Variants in RLF observed in about 807,000 individuals in gnomAD.
The protein encoded by RLF is zinc finger protein Rlf.
RLF carries 7 observed loss-of-function variants against 162.9 expected under a neutral mutation model. The observed-to-expected ratio is 0.04, with a 90% confidence interval of 0.02 to 0.08. The LOEUF (loss-of-function observed/expected upper bound fraction) is 0.08, where lower values mean the gene tolerates loss of function less well. RLF is among the 10% of genes least tolerant of loss of function. The pLI, the probability that RLF is intolerant of heterozygous loss-of-function variation, is 1.00. For synonymous variants in RLF, 782 were observed against 791.5 expected (o/e 0.99, Z 0.20); for missense variants, 1,664 against 2,244.7 (o/e 0.74, Z 5.23).
intron 1 of RLF, among the ~76,000 whole-genome samples, chr1:40,162,664 A>G (rs1445081171): frequency 3.9e-5 from 6 of 152,204 alleles, no homozygotes; most frequent in Non-Finnish European, 8.8e-5. Context: ...GGAGTAGAAT[A>G]AAAGTTAGCT....
rs1486057357 is a variant in RLF at position 40,238,789 on chromosome 1, G to C, written c.4087G>C (p.Ala1363Pro). The change falls in exon 8 of 8, where the codon GCT (alanine) becomes CCT (proline). Residue 1363 changes from alanine to proline, a missense_variant. Ala to Pro is a conservative substitution (Grantham distance 27). Transcript: ENST00000372771. The surrounding 1 kb of genome is among the most constrained non-coding windows in gnomAD (Gnocchi z 5.2). ...RELVKCKKIF[A>P]CKYKECNKRF... ...ACTTGTCAAATGTAAAAAGATATTT[G>C]CTTGCAAATATAAGGAATGTAATAA... is the stretch of plus-strand genomic sequence containing the variant. The C allele has an allele frequency of 1.9e-6, 3 of 1,612,712 alleles. No individual in the cohort carries two copies. The highest frequency in any genetic ancestry group is 2.5e-6 in the Non-Finnish European group (3 of 1,179,554).
intron 1 of RLF, among the ~76,000 whole-genome samples, chr1:40,185,843 CA>C (rs33982008): frequency 0.065 from 4,383 of 67,532 alleles, 98 homozygotes; most frequent in African/African-American, 0.15. Context: ...AAAAAAAAAG[CA>C]AAAAAAAAAA....
chr1:40,183,011 G>A (rs1642427722), intron 1 of RLF, among the ~76,000 whole-genome samples: 1 of 152,104 alleles, frequency 6.6e-6, no homozygotes, highest in Middle Eastern at 3.2e-3. Flanking sequence ...CCATCAAGAG[G>A]TGGTGCTTCC....
intron 6 of RLF, among the ~76,000 whole-genome samples, chr1:40,230,442 G>GT (rs1206379113): frequency 2.6e-5 from 4 of 151,796 alleles, no homozygotes; most frequent in Non-Finnish European, 4.4e-5. Flanking sequence ...TGTTTGTTTT[G>GT]TTTTTTTGAG....
intron 5 of RLF, among the ~76,000 whole-genome samples, chr1:40,203,109 C>CTTT (rs34957684): frequency 0.036 from 3,546 of 99,624 alleles, 255 homozygotes; most frequent in African/African-American, 0.12. Flanking sequence ...AGGGTTGAGT[C>CTTT]TTTTTTTTTT....
At chr1:40,179,552 T>C (rs1002764651) in intron 1 of RLF, among the ~76,000 whole-genome samples, 2 of 152,196 alleles carry the variant, frequency 1.3e-5, no homozygotes, top group East Asian at 3.9e-4. Context: ...AACTCTTTTT[T>C]TTTTTTTTGG....
intron 1 of RLF, among the ~76,000 whole-genome samples, chr1:40,164,483 T>C (rs1642139106): frequency 6.6e-6 from 1 of 152,218 alleles, no homozygotes; most frequent in African/African-American, 2.4e-5. Flanking sequence ...GATACTTAGG[T>C]CAAACTGTAT....
At chr1:40,167,890 T>G (rs904265687) in intron 1 of RLF, among the ~76,000 whole-genome samples, 7 of 151,452 alleles carry the variant, frequency 4.6e-5, no homozygotes, top group African/African-American at 1.7e-4. Flanking sequence ...TTTTTGAGAG[T>G]AATAAGCAAG....
intron 4 of RLF, among the ~76,000 whole-genome samples, chr1:40,200,167 A>G (rs1180846934): frequency 6.6e-6 from 1 of 152,226 alleles, no homozygotes; most frequent in Admixed American, 6.5e-5. Context: ...TCCAGACTCC[A>G]CTTGCTAAAT....
rs894476284 is a variant in RLF at position 40,223,379 on chromosome 1, A to T, written c.947+669A>T. Among the ~76,000 whole-genome samples the T allele has an allele frequency of 2.0e-5, 3 of 152,196 alleles. No individual in the cohort carries two copies. The East Asian group carries it at 5.8e-4, about 29-fold the overall frequency. On this transcript the variant is annotated intron_variant, in intron 6 of 7. Coordinates refer to ENST00000372771, the MANE Select transcript of RLF (RefSeq NM_012421.4). ...AAGTATCAGATTAGTGGTATGGATA[A>T]TGCTATAGGAGATCAGAGAGAGGTG... is the stretch of plus-strand genomic sequence containing the variant.
At chr1:40,192,979 C>T (rs61780453) in intron 3 of RLF, among the ~76,000 whole-genome samples, 7,919 of 152,094 alleles carry the variant, frequency 0.052, 600 homozygotes, top group African/African-American at 0.17. Flanking sequence ...CATGGACATA[C>T]ATCTAAGATT....
In RLF at chr1:40,240,524, A is replaced by G. The variant is rs2124564938; in HGVS notation, c.*77A>G. Reference sequence around the variant, plus strand: ...CATTTGCCAACTCGAACAAAGGCTGAGAAGCAGCCACACCGTTGTTTAGGG... The same window carrying G: ...CATTTGCCAACTCGAACAAAGGCTGGGAAGCAGCCACACCGTTGTTTAGGG... On this transcript the variant is annotated 3_prime_UTR_variant, in exon 8 of 8. Coordinates refer to ENST00000372771, the MANE Select transcript of RLF (RefSeq NM_012421.4). The G allele has an allele frequency of 9.9e-7, 1 of 1,010,580 alleles. No homozygotes were observed. Among genetic ancestry groups the G allele is most frequent in the African/African-American group, 1.6e-5 (1 of 62,220 alleles). The allele number at this position is 1,010,580 out of a possible 1,614,324, so 62.6% of individuals were successfully genotyped here.
At position 40,239,192 on chromosome 1, in the gene RLF, C is replaced by G. The variant is rs1264629573; in HGVS notation, c.4490C>G (p.Ala1497Gly). 1 of 1,614,084 alleles carries G rather than the reference C, an allele frequency of 6.2e-7. No homozygotes were observed. Among genetic ancestry groups the G allele is most frequent in the East Asian group, 2.2e-5 (1 of 44,888 alleles). ...AGGAGTGAAAAGGTATGTCAAACAG[C>G]TGATACTCAGGGGCATGAACATCAG... ...LLRSEKVCQT[A>G]DTQGHEHQTT... Residue 1497 changes from alanine to glycine, a missense_variant, in exon 8 of 8, where the codon GCT becomes GGT. Ala to Gly is a moderately conservative substitution (Grantham distance 60). Coordinates refer to ENST00000372771, the MANE Select transcript of RLF (RefSeq NM_012421.4).
chr1:40,237,959 A>C lies in RLF; in HGVS notation c.3257A>C (p.Gln1086Pro). The change falls in exon 8 of 8, where the codon CAG becomes CCG. Residue 1086 changes from glutamine (Q) to proline (P), a missense_variant. By Grantham distance (76) the Gln-to-Pro change is moderately conservative. Coordinates refer to ENST00000372771, the MANE Select transcript of RLF (RefSeq NM_012421.4). The surrounding 1 kb of genome is among the most constrained non-coding windows in gnomAD (Gnocchi z 4.4). ...CATGGATCTTTCTCAGGGTCATTGC[A>C]GGGGTACCCATCCAGTGGTGCTAAG... ...ITHGSFSGSL[Q>P]GYPSSGAKSL... The C allele has an allele frequency of 6.2e-7, 1 of 1,614,156 alleles. No individual in the cohort carries two copies. Among genetic ancestry groups the C allele is most frequent in the South Asian group, 1.1e-5 (1 of 91,078 alleles).
chr1:40,176,513 C>T (rs958128614), intron 1 of RLF, among the ~76,000 whole-genome samples: 34 of 152,316 alleles, frequency 2.2e-4, no homozygotes, highest in African/African-American at 7.5e-4. Flanking sequence ...GATCTTGGCT[C>T]ACTGCAGCCT....
intron 5 of RLF, among the ~76,000 whole-genome samples, chr1:40,214,937 A>AAAC (rs1557753862): frequency 6.7e-6 from 1 of 149,714 alleles, no homozygotes; most frequent in East Asian, 1.9e-4. Context: ...AAAAAAAAAA[A>AAAC]AAAAAAAACT....
At chr1:40,163,941 A>T (rs899263129) in intron 1 of RLF, among the ~76,000 whole-genome samples, 1 of 152,232 alleles carries the variant, frequency 6.6e-6, no homozygotes, top group Non-Finnish European at 1.5e-5. Context: ...GAGAAAAAGT[A>T]AAAATTGTAT....
At chr1:40,191,071 A>G (rs1642550782) in intron 3 of RLF, among the ~76,000 whole-genome samples, 1 of 152,224 alleles carries the variant, frequency 6.6e-6, no homozygotes, top group Non-Finnish European at 1.5e-5. Context: ...GAAATCAACA[A>G]AAAAGTTTCA....
At chr1:40,231,129 C>T (rs891411970) in intron 6 of RLF, among the ~76,000 whole-genome samples, 8 of 152,068 alleles carry the variant, frequency 5.3e-5, no homozygotes, top group African/African-American at 1.4e-4. Flanking sequence ...ATATATATTT[C>T]GTTGTTAATT....
Sources: allele counts gnomAD v4.1 joint callset (sites outside exome capture counted in the v4.1 genomes callset), GRCh38; gene constraint gnomAD v4.1.1; non-coding constraint Gnocchi (gnomAD v3.1); transcripts MANE v1.5; gene names NCBI Gene and HGNC (gene_info 2026-07-23, HGNC 2026-07-21).